The following UHRF2 variants were observed in gnomAD, a reference collection of about 807,000 sequenced individuals.
UHRF2 encodes the protein ubiquitin like with PHD and ring finger domains 2.
A neutral mutation model predicts 96.8 loss-of-function variants in UHRF2; 23 were observed. The ratio of observed to expected loss-of-function variants is 0.24; its 90% CI spans 0.17 to 0.34. UHRF2 has a LOEUF of 0.34. UHRF2 is among the 10% of genes least tolerant of loss of function. The pLI, the probability that UHRF2 is intolerant of heterozygous loss-of-function variation, is 1.00. For synonymous variants in UHRF2, 385 were observed against 332.6 expected (o/e 1.16, Z -1.72); for missense variants, 685 against 981.5 (o/e 0.70, Z 4.04).
chr9:6,454,422 T>C (rs1018081591), intron 3 of UHRF2, among the ~76,000 whole-genome samples: 2 of 151,984 alleles, frequency 1.3e-5, no homozygotes, highest in Non-Finnish European at 2.9e-5. Flanking sequence ...GTGGCAAGAG[T>C]GTGTCGATTT....
chr9:6,418,728 A>G (rs1819753167), intron 1 of UHRF2, among the ~76,000 whole-genome samples: 3 of 152,166 alleles, frequency 2.0e-5, no homozygotes, highest in Admixed American at 6.5e-5. Flanking sequence ...GTTTCACTGT[A>G]TCATAGTGAA....
intron 9 of UHRF2, among the ~76,000 whole-genome samples, chr9:6,488,632 G>A (rs1824463851): frequency 7.3e-6 from 1 of 136,500 alleles, no homozygotes; most frequent in South Asian, 2.3e-4. Flanking sequence ...ACTGCAAGCA[G>A]CCTCCTGAAT....
At chr9:6,418,770 T>G (rs1313754688) in intron 1 of UHRF2, among the ~76,000 whole-genome samples, 1 of 152,202 alleles carries the variant, frequency 6.6e-6, no homozygotes, top group African/African-American at 2.4e-5. Context: ...AGAAACAAAA[T>G]GGAGACTTAA....
intron 4 of UHRF2, among the ~76,000 whole-genome samples, chr9:6,472,444 C>A (rs923116893): frequency 2.0e-5 from 3 of 152,134 alleles, no homozygotes; most frequent in African/African-American, 7.2e-5. Flanking sequence ...TTAAGTCAAG[C>A]CAAACTAGCC....
chr9:6,461,577 T>G (rs556218596), intron 4 of UHRF2, among the ~76,000 whole-genome samples: 1 of 151,842 alleles, frequency 6.6e-6, no homozygotes, highest in East Asian at 1.9e-4. Context: ...TTCACCATGT[T>G]GGCCAGGCTG....
chr9:6,454,532 T>C (rs139989550), intron 3 of UHRF2, among the ~76,000 whole-genome samples: 8 of 152,184 alleles, frequency 5.3e-5, no homozygotes, highest in African/African-American at 1.9e-4. Flanking sequence ...GAACACAGAG[T>C]GGCTTTTCTT....
At chr9:6,427,968 T>G (rs1820351992) in intron 2 of UHRF2, among the ~76,000 whole-genome samples, 1 of 152,174 alleles carries the variant, frequency 6.6e-6, no homozygotes, top group Non-Finnish European at 1.5e-5. Flanking sequence ...TCGTTTTAAT[T>G]TTGGTTTTTG....
At chr9:6,485,721 T>C (rs750831747) in intron 8 of UHRF2, among the ~76,000 whole-genome samples, 4 of 142,948 alleles carry the variant, frequency 2.8e-5, no homozygotes, top group African/African-American at 7.9e-5. Flanking sequence ...CCCAACACTA[T>C]TGGGGGCTGA....
At position 6,413,740 on chromosome 9, in the gene UHRF2, C is replaced by T. The variant is rs1819424977; in HGVS notation, c.153+97C>T. 7 of 1,300,296 alleles carry T rather than the reference C, an allele frequency of 5.4e-6. 1 individual carries two copies. The South Asian group carries it at 1.0e-4, about 19-fold the overall frequency. 80.5% of individuals were successfully genotyped at this position (1,300,296 alleles called of 1,614,324 possible). On this transcript the variant is annotated intron_variant, in intron 1 of 15. Coordinates refer to ENST00000276893, the MANE Select transcript of UHRF2 (RefSeq NM_152896.3). ...CCGAGGGCTCTGTGCGCCGCGCGCG[C>T]AGGGCTCACCTGGCTCCGCTGCGGG...
chr9:6,489,335 T>C (rs923945438), intron 9 of UHRF2, among the ~76,000 whole-genome samples: 3 of 152,246 alleles, frequency 2.0e-5, no homozygotes, highest in African/African-American at 4.8e-5. Flanking sequence ...CTGGGTTCTT[T>C]TGAGTTTTTA....
chr9:6,425,205 A>T (rs1232236158), intron 2 of UHRF2, among the ~76,000 whole-genome samples: 1 of 152,156 alleles, frequency 6.6e-6, no homozygotes, highest in Non-Finnish European at 1.5e-5. Flanking sequence ...AAATTACTCA[A>T]CATGGGAGGT....
At chr9:6,458,488 A>T (rs1443683755) in intron 3 of UHRF2, among the ~76,000 whole-genome samples, 1 of 146,738 alleles carries the variant, frequency 6.8e-6, no homozygotes. Context: ...TCATCTCTCT[A>T]TCTCCTTCAG....
chr9:6,463,107 C>G (rs1822648434), intron 4 of UHRF2, among the ~76,000 whole-genome samples: 2 of 151,990 alleles, frequency 1.3e-5, no homozygotes, highest in Non-Finnish European at 2.9e-5. Flanking sequence ...CTAGTGAAAC[C>G]CTGTCTCCAC....
intron 12 of UHRF2, chr9:6,499,225 T>C (rs1020803167): frequency 2.0e-5 from 3 of 152,296 alleles, no homozygotes; most frequent in African/African-American, 7.2e-5. Context: ...ATGACTGTTA[T>C]TACAAAGCAT....
chr9:6,457,220 C>G (rs994749227), intron 3 of UHRF2, among the ~76,000 whole-genome samples: 3 of 152,090 alleles, frequency 2.0e-5, no homozygotes, highest in African/African-American at 7.2e-5. Flanking sequence ...TGAGGTCCTT[C>G]ACATCCCTTG....
intron 3 of UHRF2, among the ~76,000 whole-genome samples, chr9:6,438,899 G>A (rs982837585): frequency 6.6e-6 from 1 of 152,154 alleles, no homozygotes; most frequent in Non-Finnish European, 1.5e-5. Context: ...AGTCTATGAG[G>A]AATGATAGCC....
intron 9 of UHRF2, among the ~76,000 whole-genome samples, chr9:6,490,425 C>T (rs771064060): frequency 2.0e-5 from 3 of 152,116 alleles, no homozygotes; most frequent in African/African-American, 7.2e-5. Flanking sequence ...GTCAGGACTT[C>T]GAAACCAGCC....
intron 14 of UHRF2, 166 bp from the exon 15 acceptor site, chr9:6,504,425 CAT>C (rs770223700): frequency 9.4e-5 from 48 of 512,586 alleles, no homozygotes; most frequent in Non-Finnish European, 1.5e-4. Context: ...GTTCATATAA[CAT>C]ATAATAAATC....
At chr9:6,468,697 G>A (rs1450117586) in intron 4 of UHRF2, 2 of 455,866 alleles carry the variant, frequency 4.4e-6, no homozygotes, top group Non-Finnish European at 8.8e-6. Flanking sequence ...ACAAGAGGCT[G>A]GAAATGTAGT....
Sources: allele counts gnomAD v4.1 joint callset (sites outside exome capture counted in the v4.1 genomes callset), GRCh38; gene constraint gnomAD v4.1.1; transcripts MANE v1.5; gene names NCBI Gene and HGNC (gene_info 2026-07-23, HGNC 2026-07-21).